The following RTN4 variants were observed in gnomAD, a reference collection of about 807,000 sequenced individuals.
The protein encoded by RTN4 is reticulon-4.
A neutral mutation model predicts 90.4 loss-of-function variants in RTN4; 32 were observed. The observed-to-expected ratio is 0.35, with a 90% CI of 0.27 to 0.48. RTN4 has a LOEUF of 0.48. Among genes scored for constraint, RTN4 ranks in the 20% least tolerant of loss-of-function variants. The pLI, the probability that RTN4 is intolerant of heterozygous loss-of-function variation, is 0.99. For synonymous variants in RTN4, 629 were observed against 552.5 expected (o/e 1.14, Z -1.94); for missense variants, 1,706 against 1,430.2 (o/e 1.19, Z -3.11).
intron 1 of RTN4, among the ~76,000 whole-genome samples, chr2:55,110,244 G>C (rs2105066505): frequency 6.7e-6 from 1 of 150,172 alleles, no homozygotes; most frequent in Admixed American, 6.7e-5. Flanking sequence ...CTGGGAGGCA[G>C]AGGTTGCAGT....
chr2:55,017,385 G>A (rs532208835), intron 3 of RTN4, among the ~76,000 whole-genome samples: 2 of 152,116 alleles, frequency 1.3e-5, no homozygotes, highest in South Asian at 2.1e-4. Flanking sequence ...AGCTAATTTC[G>A]TACTATTTAC....
In RTN4 at chr2:55,026,840, A is replaced by C. The variant is rs767582257; in HGVS notation, c.1259T>G (p.Val420Gly). ...GKIESNLESK[V>G]DKKCFADSLE... Reference sequence around the variant, plus strand: ...GCTATCTGCAAAACATTTTTTATCCACTTTACTTTCCAAGTTGCTCTCGAT... The same window carrying C: ...GCTATCTGCAAAACATTTTTTATCCCCTTTACTTTCCAAGTTGCTCTCGAT... Residue 420 changes from valine to glycine, a missense_variant, in exon 3 of 9, where the codon GTG becomes GGG. Physicochemically the swap from Val to Gly is moderately radical, Grantham distance 109. Transcript: ENST00000337526. 2 of 1,613,818 alleles carry C rather than the reference A, an allele frequency of 1.2e-6. No individual in the cohort carries two copies. The highest frequency in any genetic ancestry group is 1.7e-6 in the Non-Finnish European group (2 of 1,179,840).
chr2:54,979,368 T>C (rs948352648), intron 5 of RTN4, among the ~76,000 whole-genome samples: 4 of 152,142 alleles, frequency 2.6e-5, no homozygotes, highest in Admixed American at 1.3e-4. Context: ...AGGAAAACCT[T>C]CTTCTTTTTA....
At chr2:55,079,374 T>G (rs1668662695) in intron 2 of RTN4, among the ~76,000 whole-genome samples, 1 of 152,102 alleles carries the variant, frequency 6.6e-6, no homozygotes, top group Non-Finnish European at 1.5e-5. Flanking sequence ...GAAGGAGAGT[T>G]TTTTTTGTTT....
At chr2:55,002,415 C>T (rs972676090) in intron 3 of RTN4, among the ~76,000 whole-genome samples, 2 of 152,128 alleles carry the variant, frequency 1.3e-5, no homozygotes, top group Non-Finnish European at 2.9e-5. Context: ...GTTGCAGGAA[C>T]ATAAAAACTA....
chr2:55,087,810 G>T (rs1668870543), intron 1 of RTN4, among the ~76,000 whole-genome samples: 1 of 152,168 alleles, frequency 6.6e-6, no homozygotes, highest in Admixed American at 6.5e-5. Context: ...CTGTGAGGGT[G>T]TCCATTGCTC....
chr2:55,077,906 G>C (rs530164596), intron 2 of RTN4, among the ~76,000 whole-genome samples: 3 of 152,098 alleles, frequency 2.0e-5, no homozygotes, highest in African/African-American at 7.2e-5. Context: ...ACTTCACTTA[G>C]AATGGAAAAC....
chr2:55,003,455 A>T (rs1679985807), intron 3 of RTN4, among the ~76,000 whole-genome samples: 1 of 152,214 alleles, frequency 6.6e-6, no homozygotes, highest in Non-Finnish European at 1.5e-5. Flanking sequence ...CTTGAAAGCC[A>T]TGAAGCAGAT....
upstream of RTN4, among the ~76,000 whole-genome samples, chr2:55,114,387 G>A (rs927612023): frequency 3.9e-5 from 6 of 152,222 alleles, no homozygotes; most frequent in Admixed American, 2.0e-4. Context: ...CAAAGTCCAG[G>A]TCATGTTTGA....
chr2:54,983,755 T>C (rs574283564), intron 4 of RTN4, among the ~76,000 whole-genome samples: 2 of 152,368 alleles, frequency 1.3e-5, no homozygotes, highest in South Asian at 2.1e-4. Flanking sequence ...ATGTGAGCTA[T>C]CTTAGATAGT....
At chr2:55,112,208 G>C (rs1668051350) in intron 1 of RTN4, among the ~76,000 whole-genome samples, 1 of 152,182 alleles carries the variant, frequency 6.6e-6, no homozygotes, top group Non-Finnish European at 1.5e-5. Context: ...TGGTGACAAT[G>C]ACAAATAATA....
At chr2:55,069,545 T>A (rs1414905158) in intron 2 of RTN4, among the ~76,000 whole-genome samples, 2 of 152,070 alleles carry the variant, frequency 1.3e-5, no homozygotes, top group African/African-American at 2.4e-5. Flanking sequence ...GAGTATGGAG[T>A]ATAATTGTTC....
intron 2 of RTN4, among the ~76,000 whole-genome samples, chr2:55,064,872 CTAACA>C (rs1244071736): frequency 6.6e-6 from 1 of 152,020 alleles, no homozygotes; most frequent in African/African-American, 2.4e-5. Context: ...GAATTTTTCC[CTAACA>C]TAACTTTCCT....
intron 1 of RTN4, among the ~76,000 whole-genome samples, chr2:55,103,494 C>T (rs1667889383): frequency 6.6e-6 from 1 of 151,824 alleles, no homozygotes; most frequent in African/African-American, 2.4e-5. Context: ...CATACACACA[C>T]AAAAATTAAT....
At chr2:54,976,719 T>G (rs1188185098) in intron 5 of RTN4, among the ~76,000 whole-genome samples, 1 of 152,174 alleles carries the variant, frequency 6.6e-6, no homozygotes, top group African/African-American at 2.4e-5. Flanking sequence ...CCATTATTAA[T>G]GGGAATCCAC....
intron 1 of RTN4, 195 bp downstream of exon 1, chr2:55,049,550 G>C: frequency 1.1e-6 from 1 of 886,856 alleles, no homozygotes; most frequent in Non-Finnish European, 1.8e-6. Context: ...CGGACAATAA[G>C]AACAAACCCG....
In RTN4 at chr2:55,027,181, G is replaced by C; in HGVS notation, c.918C>G (p.Val306=). 6.2e-7 allele frequency: 1 copy of C among 1,613,526 alleles called. No homozygotes were observed. Among genetic ancestry groups the C allele is most frequent in the Non-Finnish European group, 8.5e-7 (1 of 1,179,738 alleles). ...EYSEMGSSFS[V]SPKAESAVIV... is the part of the protein sequence containing the mutation. ...TTACGGCAGATTCTGCTTTTGGAGA[G>C]ACACTGAACGATGATCCCATTTCTG... The change falls in exon 3 of 9, where the codon GTC becomes GTG. Residue 306 remains valine (V), a synonymous_variant. Transcript: ENST00000337526.
intron 2 of RTN4, among the ~76,000 whole-genome samples, chr2:55,077,043 C>T (rs1045032254): frequency 6.1e-5 from 9 of 148,428 alleles, no homozygotes; most frequent in Admixed American, 3.4e-4. Context: ...CGGAGTTTGT[C>T]GCTCTGTCGT....
chr2:55,086,330 A>C (rs1000937058), intron 1 of RTN4, among the ~76,000 whole-genome samples: 1 of 152,114 alleles, frequency 6.6e-6, no homozygotes, highest in Non-Finnish European at 1.5e-5. Flanking sequence ...TCACAAAATG[A>C]ATACCCCTGT....
Sources: gnomAD v4.1 joint callset for allele counts (sites outside exome capture counted in the v4.1 genomes callset) on GRCh38, gnomAD v4.1.1 for gene constraint, MANE v1.5 for transcripts, NCBI Gene and HGNC (gene_info 2026-07-23, HGNC 2026-07-21) for gene names.